Variants in PRIM1 observed in about 807,000 individuals in gnomAD.
The protein encoded by PRIM1 is DNA primase small subunit.
Under a neutral mutation model 60.2 loss-of-function variants are expected in PRIM1, and 38 were observed. The observed-to-expected ratio is 0.63, with a 90% CI of 0.49 to 0.83. The LOEUF is 0.83. PRIM1 is among the 40% of genes least tolerant of loss of function. PRIM1 has a pLI of 0.00. For missense variants in PRIM1, 388 were observed against 506.2 expected (o/e 0.77, Z 2.24); for synonymous variants, 158 against 160.2 (o/e 0.99, Z 0.10).
At chr12:56,745,982 CAT>C in intron 5 of PRIM1, 61 bp downstream of exon 5, 1 of 1,358,720 alleles carries the variant, frequency 7.4e-7, no homozygotes, top group South Asian at 1.5e-5. Context: ...TGACAGTAAA[CAT>C]ATCAGGCTTG....
intron 2 of PRIM1, among the ~76,000 whole-genome samples, chr12:56,748,074 T>C (rs1953920995): frequency 6.6e-6 from 1 of 152,160 alleles, no homozygotes. Flanking sequence ...TTCGTACACT[T>C]AGCTTGCAGA....
chr12:56,749,002 G>C (rs527389314), intron 2 of PRIM1, among the ~76,000 whole-genome samples: 4 of 151,318 alleles, frequency 2.6e-5, no homozygotes, highest in Non-Finnish European at 3.0e-5. Context: ...CAAAAAATGA[G>C]GGGGAAGGGT....
chr12:56,733,469 A>G (rs1953799220), intron 12 of PRIM1, among the ~76,000 whole-genome samples: 1 of 147,248 alleles, frequency 6.8e-6, no homozygotes. Flanking sequence ...AGGGATTAGA[A>G]TTCTTACAGC....
At chr12:56,734,046 A>C in intron 12 of PRIM1, 101 bp downstream of exon 12, 1 of 727,816 alleles carries the variant, frequency 1.4e-6, no homozygotes, top group Non-Finnish European at 2.2e-6. Context: ...TAAATCTGTA[A>C]ATTTTGGGAG....
At chr12:56,741,999 T>A in intron 7 of PRIM1, 162 bp from the exon 8 acceptor site, 1 of 702,066 alleles carries the variant, frequency 1.4e-6, no homozygotes, top group Non-Finnish European at 2.4e-6. Context: ...ATGCCTGTAC[T>A]CCCAGCACTT....
intron 12 of PRIM1, 103 bp from the exon 13 acceptor site, chr12:56,731,837 T>G: frequency 1.1e-6 from 1 of 885,942 alleles, no homozygotes; most frequent in Non-Finnish European, 1.7e-6. Flanking sequence ...TTAACACACA[T>G]CATGCACAAA....
At chr12:56,741,879 A>G (rs1953874900) in intron 7 of PRIM1, 42 bp from the exon 8 acceptor site, 2 of 1,545,652 alleles carry the variant, frequency 1.3e-6, no homozygotes, top group East Asian at 4.5e-5. Context: ...GGGAACATCA[A>G]TGAACAATTT....
At chr12:56,752,078 T>C in intron 1 of PRIM1, 118 bp downstream of exon 1, 1 of 589,732 alleles carries the variant, frequency 1.7e-6, no homozygotes, top group Middle Eastern at 3.0e-4. Context: ...AGAGAGCAAA[T>C]GAAGGCGCGC....
rs778666611 is a variant in PRIM1, at chr12:56,741,613, G to C, written c.841-37C>G. The C allele has an allele frequency of 7.5e-6, 12 of 1,594,108 alleles. No homozygotes were observed. The East Asian group carries it at 2.7e-4, about 36-fold the overall frequency. Reference sequence around the variant, plus strand: ...TACAAGGCCAACATGAGGATCAGTAGGAACTGTTGAAGATTTCTTTAAAGA... The same window carrying C: ...TACAAGGCCAACATGAGGATCAGTACGAACTGTTGAAGATTTCTTTAAAGA... On this transcript the variant is annotated intron_variant, in intron 8 of 12. Transcript: ENST00000338193.
In PRIM1 at chr12:56,731,791, T is replaced by G; in HGVS notation, c.1244-57A>C. The G allele has an allele frequency of 2.2e-6, 3 of 1,358,178 alleles. No individual in the cohort carries two copies. The South Asian group carries it at 4.1e-5, about 19-fold the overall frequency. The allele number at this position is 1,358,178 out of a possible 1,614,324, so 84.1% of individuals were successfully genotyped here. The stretch of plus-strand genomic sequence containing the variant: ...AGCAAAGGAAACAAAACAAAGCCCA[T>G]TTACTTTTACATTCTTTTTTGCCTA... On this transcript the variant is annotated intron_variant, in intron 12 of 12. Coordinates refer to ENST00000338193, the MANE Select transcript of PRIM1 (RefSeq NM_000946.3).
intron 2 of PRIM1, among the ~76,000 whole-genome samples, chr12:56,749,232 C>T (rs1953929489): frequency 6.6e-6 from 1 of 152,162 alleles, no homozygotes; most frequent in Admixed American, 6.5e-5. Flanking sequence ...TGGTCTTGAA[C>T]TCCTGACCTC....
chr12:56,734,257 A>G lies in PRIM1; in HGVS notation c.1145-12T>C, dbSNP rs977934859. 2.7e-6 allele frequency: 4 copies of G among 1,473,516 alleles called. No homozygotes were observed. The highest frequency in any genetic ancestry group is 2.8e-5 in the African/African-American group (2 of 70,998). The allele number at this position is 1,473,516 out of a possible 1,614,324, so 91.3% of individuals were successfully genotyped here. ...GGTCTTCTTATAATCTAAATTATGAAGAATGTACATTATAATTAGCATACT... is the reference window on the plus strand; with the variant it reads ...GGTCTTCTTATAATCTAAATTATGAGGAATGTACATTATAATTAGCATACT... On this transcript the variant is annotated splice_polypyrimidine_tract_variant and intron_variant, in intron 11 of 12. Transcript: ENST00000338193.
intron 2 of PRIM1, 68 bp from the exon 3 acceptor site, chr12:56,747,100 C>T (rs1322205613): frequency 6.1e-6 from 8 of 1,310,530 alleles, no homozygotes; most frequent in Non-Finnish European, 8.6e-6. Context: ...TTATTTTCTA[C>T]ACATATGGAA....
chr12:56,736,175 G>A (rs1953827550), intron 11 of PRIM1, among the ~76,000 whole-genome samples: 1 of 150,198 alleles, frequency 6.7e-6, no homozygotes, highest in Admixed American at 6.6e-5. Flanking sequence ...GCGGGCACCT[G>A]TAACTCCAGC....
chr12:56,733,828 T>C (rs775084890), intron 12 of PRIM1, among the ~76,000 whole-genome samples: 6 of 151,772 alleles, frequency 4.0e-5, no homozygotes, highest in Non-Finnish European at 7.4e-5. Flanking sequence ...TGACCTCAAG[T>C]GATCCAACTG....
chr12:56,732,970 T>C (rs147842497), intron 12 of PRIM1, among the ~76,000 whole-genome samples: 2 of 151,692 alleles, frequency 1.3e-5, no homozygotes, highest in African/African-American at 4.8e-5. Flanking sequence ...TTCTCCTGCC[T>C]CAGCCTCCCA....
At chr12:56,735,709 G>A (rs1026881126) in intron 11 of PRIM1, among the ~76,000 whole-genome samples, 13 of 150,872 alleles carry the variant, frequency 8.6e-5, no homozygotes, top group African/African-American at 3.2e-4. Flanking sequence ...GGAGTGCAGT[G>A]GGGCAATCTC....
At chr12:56,739,879 C>T (rs754570323) in intron 9 of PRIM1, among the ~76,000 whole-genome samples, 1 of 152,172 alleles carries the variant, frequency 6.6e-6, no homozygotes, top group East Asian at 1.9e-4. Flanking sequence ...TGGCTCACGC[C>T]TGTAATCCCA....
Position 56,741,892 on chromosome 12 carries a change from T to G in PRIM1, c.749-55A>C, listed in dbSNP as rs182812458. 5.3e-4 allele frequency: 782 copies of G among 1,462,072 alleles called. 5 individuals are homozygous for G. The African/African-American group carries it at 0.01, about 19-fold the overall frequency. The allele number at this position is 1,462,072 out of a possible 1,614,324, so 90.6% of individuals were successfully genotyped here. ...TAGGGAACATCAATGAACAATTTAG[T>G]TTTAAGTATGTATTACCACAAGGGT... On this transcript the variant is annotated intron_variant, in intron 7 of 12. Transcript: ENST00000338193.
Sources: gnomAD v4.1 joint callset for allele counts (sites outside exome capture counted in the v4.1 genomes callset) on GRCh38, gnomAD v4.1.1 for gene constraint, MANE v1.5 for transcripts, NCBI Gene and HGNC (gene_info 2026-07-23, HGNC 2026-07-21) for gene names.